Variants in MAP7 observed in about 807,000 individuals in gnomAD.
The protein encoded by MAP7 is microtubule associated protein 7.
A neutral mutation model predicts 94.8 loss-of-function variants in MAP7; 52 were observed. The observed-to-expected ratio is 0.55, with a 90% CI of 0.44 to 0.69. MAP7 has a LOEUF of 0.69. Among genes scored for constraint, MAP7 ranks in the 30% least tolerant of loss-of-function variants. The probability of loss-of-function intolerance (pLI) is 0.00; values close to 1 mark genes in which losing one functional copy is unlikely to be tolerated. For missense variants in MAP7, 940 were observed against 964.6 expected, an observed-to-expected ratio of 0.97 and a Z score of 0.34; for synonymous variants, 350 against 357.0, an observed-to-expected ratio of 0.98 and a Z score of 0.22.
intron 9 of MAP7, 41 bp from the exon 10 acceptor site, chr6:136,366,059 G>A (rs1794229139): frequency 6.3e-7 from 1 of 1,581,766 alleles, no homozygotes; most frequent in Admixed American, 1.7e-5. Flanking sequence ...GGGGACACAT[G>A]AGAACAGGCT....
intron 1 of MAP7, among the ~76,000 whole-genome samples, chr6:136,506,713 G>C (rs1226133696): frequency 2.6e-5 from 4 of 152,172 alleles, no homozygotes; most frequent in African/African-American, 9.7e-5. Flanking sequence ...CTTGAGGCGG[G>C]TGTTAAAGCA....
At chr6:136,503,034 T>G (rs1272053708) in intron 1 of MAP7, among the ~76,000 whole-genome samples, 2 of 152,210 alleles carry the variant, frequency 1.3e-5, no homozygotes, top group South Asian at 4.1e-4. Context: ...ACCTTTTAAT[T>G]ATTCATGCTA....
Position 136,372,515 on chromosome 6 carries a change from T to C in MAP7, c.862A>G (p.Ile288Val), listed in dbSNP as rs1433774457. The stretch of plus-strand genomic sequence containing the variant: ...CAGCTACTCACCGCTGTGCCATGAA[T>C]GATCCTCCTGCGAGAAGAGCCCTCA... ...PPEGSSRRRIIHGTASYKKER... is the reference protein window; with the variant it reads ...PPEGSSRRRIVHGTASYKKER... Residue 288 changes from isoleucine to valine, a missense_variant, in exon 8 of 18, where the codon ATT becomes GTT. Transcript: ENST00000354570. 2 of 1,614,008 alleles carry C rather than the reference T, an allele frequency of 1.2e-6. No homozygotes were observed. Among genetic ancestry groups the C allele is most frequent in the East Asian group, 2.2e-5 (1 of 44,894 alleles).
At chr6:136,429,495 C>T (rs1007777378) in intron 1 of MAP7, among the ~76,000 whole-genome samples, 2 of 152,276 alleles carry the variant, frequency 1.3e-5, no homozygotes, top group East Asian at 3.9e-4. Context: ...TTTGTAAACC[C>T]CAACTCTTTC....
intron 3 of MAP7, among the ~76,000 whole-genome samples, chr6:136,396,264 C>T (rs1233317444): frequency 6.6e-6 from 1 of 152,002 alleles, no homozygotes; most frequent in Non-Finnish European, 1.5e-5. Context: ...TTGTAGCAAA[C>T]TTTTACCTCC....
chr6:136,526,696 T>G (rs1294227021), intron 1 of MAP7: 1 of 985,188 alleles, frequency 1.0e-6, no homozygotes, highest in East Asian at 1.1e-4. Flanking sequence ...CAAGCAGCAG[T>G]AGACTCCTCA....
intron 1 of MAP7, among the ~76,000 whole-genome samples, chr6:136,497,032 C>T (rs959630277): frequency 2.6e-5 from 4 of 151,928 alleles, no homozygotes; most frequent in African/African-American, 9.7e-5. Context: ...GCTTTCTGTG[C>T]CATCATGTAG....
chr6:136,489,838 A>T (rs1816008202), intron 1 of MAP7, among the ~76,000 whole-genome samples: 1 of 152,084 alleles, frequency 6.6e-6, no homozygotes, highest in South Asian at 2.1e-4. Context: ...CTGTAACATC[A>T]GGTTTCTTAT....
intron 1 of MAP7, among the ~76,000 whole-genome samples, chr6:136,480,641 C>CA (rs769951186): frequency 0.21 from 4,176 of 20,162 alleles, 1,009 homozygotes; most frequent in Non-Finnish European, 0.29. Flanking sequence ...GACTCTGCCT[C>CA]AAAAAAAAAA....
intron 1 of MAP7, among the ~76,000 whole-genome samples, chr6:136,534,597 T>A (rs1828731842): frequency 6.6e-6 from 1 of 152,226 alleles, no homozygotes; most frequent in African/African-American, 2.4e-5. Context: ...TATGTATCAA[T>A]GATCATAATC....
chr6:136,378,660 C>T (rs1562331570), intron 6 of MAP7, among the ~76,000 whole-genome samples: 2 of 152,150 alleles, frequency 1.3e-5, no homozygotes, highest in South Asian at 2.1e-4. Flanking sequence ...TTTAAAATAA[C>T]GCAATGATGT....
chr6:136,390,504 T>C (rs549017036), intron 3 of MAP7, among the ~76,000 whole-genome samples: 22 of 151,788 alleles, frequency 1.4e-4, no homozygotes, highest in Admixed American at 6.6e-4. Context: ...AATATAAAAA[T>C]TAGGAAGGTG....
intron 15 of MAP7, among the ~76,000 whole-genome samples, chr6:136,359,386 A>G (rs980344246): frequency 3.3e-5 from 5 of 152,212 alleles, no homozygotes; most frequent in African/African-American, 1.2e-4. Context: ...GAGAACTTCT[A>G]TAATACAAGT....
chr6:136,379,640 T>C (rs1313262016), intron 6 of MAP7, among the ~76,000 whole-genome samples: 2 of 152,234 alleles, frequency 1.3e-5, no homozygotes, highest in African/African-American at 2.4e-5. Flanking sequence ...AGTTAAACTC[T>C]TCCTTTTCTT....
intron 1 of MAP7, among the ~76,000 whole-genome samples, chr6:136,474,515 C>T (rs919084542): frequency 1.1e-4 from 16 of 152,144 alleles, no homozygotes; most frequent in African/African-American, 3.6e-4. Context: ...TTGGATGACA[C>T]CTGGCAGTTG....
chr6:136,376,319 C>T (rs1322343551), intron 7 of MAP7, among the ~76,000 whole-genome samples: 4 of 149,132 alleles, frequency 2.7e-5, no homozygotes, highest in African/African-American at 1.0e-4. Flanking sequence ...AGGATGGTCT[C>T]GATTTCCTGA....
At chr6:136,405,096 G>GT (rs1785195553) in intron 3 of MAP7, among the ~76,000 whole-genome samples, 1 of 152,124 alleles carries the variant, frequency 6.6e-6, no homozygotes, top group African/African-American at 2.4e-5. Flanking sequence ...CTTTGGTAAC[G>GT]TTTTAACTAA....
rs117348207 is a variant in MAP7 at position 136,466,962 on chromosome 6, A to G, written c.68-45163T>C. The G allele has an allele frequency of 5.7e-5, 73 of 1,270,582 alleles. 1 individual carries two copies. The East Asian group carries it at 1.3e-3, about 22-fold the overall frequency. The allele number at this position is 1,270,582 out of a possible 1,614,324, so 78.7% of individuals were successfully genotyped here. A position where few individuals can be genotyped will look rare whatever the true frequency, so the allele number is the denominator to read the frequency against. The stretch of plus-strand genomic sequence containing the variant: ...AGGAGAGCAAAGGGTGGTGAGACAT[A>G]CAACTCGACAGCCACTGTTTTTAAA... On this transcript the variant is annotated intron_variant, in intron 1 of 17. Transcript: ENST00000354570.
rs375817316 is a variant in MAP7, at chr6:136,379,835, G to T, written c.638-1967C>A. Among the ~76,000 whole-genome samples the T allele has an allele frequency of 2.0e-5, 3 of 152,342 alleles. No individual in the cohort carries two copies. In the East Asian group the frequency reaches 5.8e-4, roughly 29 times the overall value. ...ACCTGTGGTAAAGCAAATCCAGAGA[G>T]ATCTGTTTCATATCTCCTGATACTC... On this transcript the variant is annotated intron_variant, in intron 6 of 17. Coordinates refer to ENST00000354570, the MANE Select transcript of MAP7 (RefSeq NM_003980.6).
Sources: allele counts gnomAD v4.1 joint callset (sites outside exome capture counted in the v4.1 genomes callset), GRCh38; gene constraint gnomAD v4.1.1; transcripts MANE v1.5; gene names NCBI Gene and HGNC (gene_info 2026-07-23, HGNC 2026-07-21).